The following SMG6 variants were observed in gnomAD, a reference collection of about 807,000 sequenced individuals.
SMG6 encodes SMG6 nonsense mediated mRNA decay factor.
A neutral mutation model predicts 142.2 loss-of-function variants in SMG6; 66 were observed. The ratio of observed to expected loss-of-function variants is 0.46; its 90% CI spans 0.38 to 0.57. The LOEUF (loss-of-function observed/expected upper bound fraction) is 0.57. Among genes scored for constraint, SMG6 ranks in the 20% least tolerant of loss-of-function variants. The pLI is 0.00. For missense variants in SMG6, 1,793 were observed against 1,832.0 expected, an observed-to-expected ratio of 0.98 and a Z score of 0.39; for synonymous variants, 779 against 702.4, an observed-to-expected ratio of 1.11 and a Z score of -1.72.
chr17:2,097,887 C>A (rs1053473252), intron 13 of SMG6, among the ~76,000 whole-genome samples: 2 of 152,218 alleles, frequency 1.3e-5, no homozygotes, highest in Admixed American at 6.5e-5. Context: ...AGACCATTCC[C>A]TCCCATTTCT....
chr17:2,179,461 G>A (rs917344643), intron 12 of SMG6, among the ~76,000 whole-genome samples: 2 of 152,052 alleles, frequency 1.3e-5, no homozygotes, highest in Non-Finnish European at 2.9e-5. Flanking sequence ...TACGCCCTAC[G>A]TATCCCTCTT....
intron 13 of SMG6, among the ~76,000 whole-genome samples, chr17:2,100,858 C>T (rs572675909): frequency 1.5e-4 from 22 of 149,624 alleles, no homozygotes; most frequent in Non-Finnish European, 3.3e-4. Flanking sequence ...GAATGTATTG[C>T]ACAGGCTGGT....
chr17:2,137,349 G>A (rs1168252797), intron 13 of SMG6, among the ~76,000 whole-genome samples: 1 of 152,100 alleles, frequency 6.6e-6, no homozygotes, highest in Non-Finnish European at 1.5e-5. Context: ...AAACACACTA[G>A]AACAAACACC....
At chr17:2,149,171 G>C (rs922124002) in intron 13 of SMG6, among the ~76,000 whole-genome samples, 3 of 151,704 alleles carry the variant, frequency 2.0e-5, no homozygotes, top group Non-Finnish European at 2.9e-5. Flanking sequence ...CCAACATGGC[G>C]AAACCCTGTC....
chr17:2,195,623 T>C (rs2072301053), intron 10 of SMG6, among the ~76,000 whole-genome samples: 1 of 152,212 alleles, frequency 6.6e-6, no homozygotes, highest in African/African-American at 2.4e-5. Flanking sequence ...GATCTAACCA[T>C]GAATGACATG....
intron 13 of SMG6, among the ~76,000 whole-genome samples, chr17:2,165,763 G>C (rs1190618557): frequency 6.6e-6 from 1 of 152,150 alleles, no homozygotes; most frequent in Non-Finnish European, 1.5e-5. Context: ...TAATTAGCCA[G>C]GTGAGGTGAC....
intron 6 of SMG6, among the ~76,000 whole-genome samples, chr17:2,291,115 A>G (rs893129549): frequency 6.6e-6 from 1 of 152,162 alleles, no homozygotes; most frequent in African/African-American, 2.4e-5. Flanking sequence ...GCGGATCACG[A>G]GGTCAGGAGG....
At chr17:2,176,348 G>A (rs2071652485) in intron 12 of SMG6, among the ~76,000 whole-genome samples, 9 of 152,200 alleles carry the variant, frequency 5.9e-5, no homozygotes, top group Admixed American at 5.9e-4. Flanking sequence ...TCAAATTCGG[G>A]TGGCGATGAG....
At chr17:2,189,094 T>G (rs1330745383) in intron 10 of SMG6, among the ~76,000 whole-genome samples, 1 of 152,182 alleles carries the variant, frequency 6.6e-6, no homozygotes, top group African/African-American at 2.4e-5. Context: ...ATGGAATGAG[T>G]TAATTTTATG....
At chr17:2,100,888 G>A (rs2068988832) in intron 13 of SMG6, among the ~76,000 whole-genome samples, 1 of 151,968 alleles carries the variant, frequency 6.6e-6, no homozygotes, top group Non-Finnish European at 1.5e-5. Flanking sequence ...CTAGGCTCAA[G>A]AGATCCCCCT....
chr17:2,252,268 G>A (rs1369672316), intron 8 of SMG6, among the ~76,000 whole-genome samples: 2 of 151,530 alleles, frequency 1.3e-5, no homozygotes, highest in African/African-American at 2.4e-5. Flanking sequence ...AAATTAGCTG[G>A]GTGTGCCTAT....
chr17:2,217,936 G>A (rs1420678370), intron 10 of SMG6, among the ~76,000 whole-genome samples: 2 of 151,848 alleles, frequency 1.3e-5, no homozygotes, highest in African/African-American at 4.8e-5. Flanking sequence ...CTTGAACCCG[G>A]GATGCAGAGG....
intron 15 of SMG6, among the ~76,000 whole-genome samples, chr17:2,073,602 G>A (rs1374590766): frequency 4.0e-5 from 6 of 151,222 alleles, no homozygotes; most frequent in East Asian, 2.0e-4. Flanking sequence ...CCAGCTACTC[G>A]GGAGGCTGAG....
rs202139783 is a variant in SMG6 at position 2,300,501 on chromosome 17, G to A, written c.252C>T (p.Cys84=). Reference sequence around the variant, plus strand: ...GCTGTGTACCATTTTCAACAGCAGAGCAATCTCGGTCATTAACAATTTCAT... The same window carrying A: ...GCTGTGTACCATTTTCAACAGCAGAACAATCTCGGTCATTAACAATTTCAT... ...FKDEIVNDRD[C]SAVENGTQPV... is the part of the protein sequence containing the mutation. The change falls in exon 2 of 19, where the codon TGC becomes TGT. Residue 84 remains cysteine, a synonymous_variant. Coordinates refer to ENST00000263073, the MANE Select transcript of SMG6 (RefSeq NM_017575.5). 97 of 1,614,162 alleles carry A rather than the reference G, an allele frequency of 6.0e-5. 2 individuals are homozygous for A. The East Asian group carries it at 9.4e-4, about 16-fold the overall frequency.
intron 13 of SMG6, among the ~76,000 whole-genome samples, chr17:2,126,593 T>C (rs1393342130): frequency 6.6e-6 from 1 of 151,612 alleles, no homozygotes; most frequent in East Asian, 1.9e-4. Flanking sequence ...GGTGGGCCCC[T>C]GTAATCTCAG....
intron 13 of SMG6, among the ~76,000 whole-genome samples, chr17:2,138,376 A>G (rs1398737129): frequency 2.0e-5 from 3 of 152,168 alleles, no homozygotes; most frequent in Non-Finnish European, 2.9e-5. Flanking sequence ...TTTAAAATCA[A>G]CAAGTTTGCT....
intron 6 of SMG6, among the ~76,000 whole-genome samples, chr17:2,288,996 G>A (rs953700325): frequency 9.3e-5 from 14 of 149,886 alleles, no homozygotes; most frequent in South Asian, 4.2e-4. Context: ...GGAGAATGGC[G>A]TGAACCCGGG....
chr17:2,171,982 C>T (rs1252894455), intron 13 of SMG6, among the ~76,000 whole-genome samples: 1 of 152,054 alleles, frequency 6.6e-6, no homozygotes, highest in South Asian at 2.1e-4. Flanking sequence ...AATGTGAAGC[C>T]GACTGGACTA....
chr17:2,059,888 G>T lies in SMG6; in HGVS notation c.*1604C>A. On this transcript the variant is annotated 3_prime_UTR_variant, in exon 19 of 19. Coordinates refer to ENST00000263073, the MANE Select transcript of SMG6 (RefSeq NM_017575.5). ...TTATTAAGGAAACAAAACCAGTGCT[G>T]CAAACGGGACAGAAAGGAGAGCTGG... 1 of 160,594 alleles carries T rather than the reference G, an allele frequency of 6.2e-6. No homozygotes were observed. The allele number at this position is 160,594 out of a possible 1,614,324, so 9.9% of individuals were successfully genotyped here.
Sources: gnomAD v4.1 joint callset for allele counts (sites outside exome capture counted in the v4.1 genomes callset) on GRCh38, gnomAD v4.1.1 for gene constraint, MANE v1.5 for transcripts, NCBI Gene and HGNC (gene_info 2026-07-23, HGNC 2026-07-21) for gene names.